Variants in BTBD10 observed in about 807,000 individuals in gnomAD.
The protein encoded by BTBD10 is BTB/POZ domain-containing protein 10.
A neutral mutation model predicts 53.2 loss-of-function variants in BTBD10; 21 were observed. That is an observed-to-expected ratio of 0.39 (90% CI 0.28 to 0.57). The LOEUF is 0.57. Among genes scored for constraint, BTBD10 ranks in the 20% least tolerant of loss-of-function variants. The pLI is 0.53. For synonymous variants in BTBD10, 149 were observed against 192.7 expected (o/e 0.77, Z 1.88); for missense variants, 360 against 594.7 (o/e 0.61, Z 4.10).
intron 1 of BTBD10, among the ~76,000 whole-genome samples, chr11:13,451,370 G>A (rs1468666943): frequency 6.6e-6 from 1 of 152,128 alleles, no homozygotes; most frequent in Non-Finnish European, 1.5e-5. Flanking sequence ...ACCACCACTA[G>A]CAGGTAAAGA....
At chr11:13,420,119 T>A (rs1304239063) in intron 3 of BTBD10, among the ~76,000 whole-genome samples, 1 of 152,082 alleles carries the variant, frequency 6.6e-6, no homozygotes, top group Admixed American at 6.6e-5. Flanking sequence ...GTTATTACAG[T>A]AAAAGATTAA....
chr11:13,441,153 T>G (rs1346191642), intron 2 of BTBD10, among the ~76,000 whole-genome samples: 1 of 152,096 alleles, frequency 6.6e-6, no homozygotes, highest in African/African-American at 2.4e-5. Context: ...TTTAAACAAA[T>G]TCAATCATAT....
chr11:13,437,597 A>G (rs147374235), intron 2 of BTBD10, among the ~76,000 whole-genome samples: 11 of 152,364 alleles, frequency 7.2e-5, no homozygotes, highest in Admixed American at 5.9e-4. Flanking sequence ...ACTCTCAAGG[A>G]TATCAAAATG....
At chr11:13,405,510 G>A in intron 7 of BTBD10, 149 bp downstream of exon 7, 1 of 777,588 alleles carries the variant, frequency 1.3e-6, no homozygotes, top group South Asian at 1.8e-5. Context: ...CATGAAAGCA[G>A]CCATAGGCAA....
intron 2 of BTBD10, 45 bp downstream of exon 2, chr11:13,444,978 GT>G (rs769581778): frequency 2.0e-6 from 3 of 1,471,872 alleles, no homozygotes; most frequent in Non-Finnish European, 2.8e-6. Context: ...TTTACAATCA[GT>G]TTTTAGCAGA....
chr11:13,404,575 C>A (rs776306068), intron 7 of BTBD10: 1 of 973,282 alleles, frequency 1.0e-6, no homozygotes, highest in African/African-American at 1.8e-5. Flanking sequence ...TTATTTTTGA[C>A]AACCTTTCAC....
At chr11:13,392,876 A>G (rs1475314374) in intron 8 of BTBD10, among the ~76,000 whole-genome samples, 2 of 152,184 alleles carry the variant, frequency 1.3e-5, no homozygotes, top group African/African-American at 4.8e-5. Flanking sequence ...AATTACTCTG[A>G]CAGAAGAGAG....
At chr11:13,440,276 G>A (rs375271752) in intron 2 of BTBD10, 59 of 1,195,326 alleles carry the variant, frequency 4.9e-5, no homozygotes, top group East Asian at 4.8e-4. Flanking sequence ...AAACAGCATC[G>A]TGTGAGCTGT....
chr11:13,435,931 T>C (rs946838945), intron 2 of BTBD10, among the ~76,000 whole-genome samples: 1 of 152,196 alleles, frequency 6.6e-6, no homozygotes, highest in Non-Finnish European at 1.5e-5. Flanking sequence ...TAAAAATCTA[T>C]ACTGTAATTA....
intron 1 of BTBD10, among the ~76,000 whole-genome samples, chr11:13,459,063 T>TTA (rs1555034653): frequency 5.2e-5 from 6 of 115,622 alleles, no homozygotes; most frequent in African/African-American, 1.1e-4. Context: ...TATTTATTTT[T>TTA]TTTTTTTTTT....
intron 5 of BTBD10, among the ~76,000 whole-genome samples, chr11:13,414,670 A>T (rs10832033): frequency 0.15 from 22,984 of 150,236 alleles, 2,180 homozygotes; most frequent in East Asian, 0.51. Context: ...AAAATAATAA[A>T]AAAAAAAAAG....
At chr11:13,457,475 C>T (rs1006787813) in intron 1 of BTBD10, among the ~76,000 whole-genome samples, 5 of 152,070 alleles carry the variant, frequency 3.3e-5, no homozygotes, top group Admixed American at 3.3e-4. Flanking sequence ...ACAGCAACAG[C>T]AAAAAACAGG....
At chr11:13,400,969 G>A (rs1949703889) in intron 8 of BTBD10, among the ~76,000 whole-genome samples, 1 of 152,076 alleles carries the variant, frequency 6.6e-6, no homozygotes, top group Non-Finnish European at 1.5e-5. Flanking sequence ...TTGAATGTTG[G>A]TTTAGAGAAA....
intron 2 of BTBD10, among the ~76,000 whole-genome samples, chr11:13,438,570 A>G (rs1041186205): frequency 6.6e-6 from 1 of 151,918 alleles, no homozygotes; most frequent in Non-Finnish European, 1.5e-5. Context: ...TCATAATTAA[A>G]TTTCTTTTTT....
intron 8 of BTBD10, among the ~76,000 whole-genome samples, chr11:13,395,326 C>A (rs1949516624): frequency 6.6e-6 from 1 of 152,130 alleles, no homozygotes; most frequent in South Asian, 2.1e-4. Flanking sequence ...TGTTTTTTGG[C>A]TGCATAAATG....
At chr11:13,459,943 T>A (rs1163220400) in intron 1 of BTBD10, among the ~76,000 whole-genome samples, 1 of 152,176 alleles carries the variant, frequency 6.6e-6, no homozygotes, top group African/African-American at 2.4e-5. Context: ...TAGAAACAAG[T>A]AAAGACGAAA....
At chr11:13,456,894 C>T (rs953847976) in intron 1 of BTBD10, among the ~76,000 whole-genome samples, 2 of 152,204 alleles carry the variant, frequency 1.3e-5, no homozygotes, top group Non-Finnish European at 2.9e-5. Context: ...GGCGCAGTGA[C>T]TCACGCCTAT....
intron 8 of BTBD10, among the ~76,000 whole-genome samples, chr11:13,399,930 G>A (rs527910748): frequency 1.3e-4 from 20 of 152,264 alleles, no homozygotes; most frequent in Admixed American, 9.8e-4. Context: ...AGGAGTACCC[G>A]GCCGTGTGAG....
At chr11:13,395,026 A>G (rs909296426) in intron 8 of BTBD10, among the ~76,000 whole-genome samples, 4 of 150,250 alleles carry the variant, frequency 2.7e-5, no homozygotes, top group African/African-American at 9.7e-5. Context: ...TCTTTATAGC[A>G]GCATGATTTA....
Sources: gnomAD v4.1 joint callset for allele counts (sites outside exome capture counted in the v4.1 genomes callset) on GRCh38, gnomAD v4.1.1 for gene constraint, MANE v1.5 for transcripts, NCBI Gene and HGNC (gene_info 2026-07-23, HGNC 2026-07-21) for gene names.